The following NDUFS4 variants were observed in gnomAD, a reference collection of about 807,000 sequenced individuals.
NDUFS4 encodes NADH:ubiquinone oxidoreductase subunit S4.
NDUFS4 carries 28 observed loss-of-function variants against 24.3 expected under a neutral mutation model. The observed-to-expected ratio is 1.15, with a 90% CI of 0.85 to 1.58. NDUFS4 has a LOEUF of 1.58. NDUFS4 is among the 40% of genes most tolerant of loss of function. The pLI, the probability that NDUFS4 is intolerant of heterozygous loss-of-function variation, is 0.00. For missense variants in NDUFS4, 223 were observed against 207.9 expected (o/e 1.07, Z -0.45); for synonymous variants, 93 against 69.7 (o/e 1.34, Z -1.67).
chr5:53,649,435 T>C (rs888520603), intron 3 of NDUFS4, among the ~76,000 whole-genome samples: 1 of 152,196 alleles, frequency 6.6e-6, no homozygotes, highest in Non-Finnish European at 1.5e-5. Flanking sequence ...TGTTCAGCTT[T>C]CACAAATGAG....
chr5:53,678,408 C>T (rs1032813030), intron 4 of NDUFS4, among the ~76,000 whole-genome samples: 1 of 152,104 alleles, frequency 6.6e-6, no homozygotes, highest in African/African-American at 2.4e-5. Flanking sequence ...TATGGCTACT[C>T]TCCTCTAGAA....
chr5:53,635,814 G>T (rs1365857370), intron 2 of NDUFS4, among the ~76,000 whole-genome samples: 1 of 151,976 alleles, frequency 6.6e-6, no homozygotes, highest in Admixed American at 6.6e-5. Context: ...AATGCAAAAA[G>T]GTGTTCTAAT....
chr5:53,620,640 T>A (rs972046838), intron 2 of NDUFS4, among the ~76,000 whole-genome samples: 1 of 152,210 alleles, frequency 6.6e-6, no homozygotes, highest in African/African-American at 2.4e-5. Flanking sequence ...GAGGAAGTTA[T>A]GAAACTTTCT....
chr5:53,610,349 T>G (rs1750656755), intron 2 of NDUFS4, among the ~76,000 whole-genome samples: 1 of 152,124 alleles, frequency 6.6e-6, no homozygotes, highest in African/African-American at 2.4e-5. Context: ...GGACGCAGTT[T>G]GTGGCACCCC....
At chr5:53,646,437 A>T in intron 3 of NDUFS4, 32 bp downstream of exon 3, 2 of 1,604,980 alleles carry the variant, frequency 1.2e-6, no homozygotes, top group Non-Finnish European at 1.7e-6. Flanking sequence ...GAATATTGTC[A>T]GCTATCTTTT....
At chr5:53,640,934 C>A (rs536325147) in intron 2 of NDUFS4, among the ~76,000 whole-genome samples, 1 of 152,080 alleles carries the variant, frequency 6.6e-6, no homozygotes, top group African/African-American at 2.4e-5. Flanking sequence ...TGACAGAATC[C>A]CCTTAAAGAC....
intron 4 of NDUFS4, 108 bp downstream of exon 4, chr5:53,658,732 T>C (rs1752234838): frequency 2.2e-6 from 2 of 889,696 alleles, no homozygotes; most frequent in South Asian, 2.8e-5. Flanking sequence ...AGTGGTTTCA[T>C]TGTATCTAAT....
chr5:53,646,291 T>C lies in NDUFS4; in HGVS notation c.236T>C (p.Ile79Thr), dbSNP rs1299935886. The change falls in exon 3 of 5, where the codon ATC becomes ACC. Residue 79 changes from isoleucine (I) to threonine (T), a missense_variant. Ile to Thr is a moderately conservative substitution (Grantham distance 89). Transcript: ENST00000296684. ...CATATAAAAACTAGAAAAGTCAGGA[T>C]CTTTGTTCCTGCTCGCAATAACATG... ...EEHIKTRKVR[I>T]FVPARNNMQS... 6.2e-7 allele frequency: 1 copy of C among 1,613,390 alleles called. No individual in the cohort carries two copies. The highest frequency in any genetic ancestry group is 8.5e-7 in the Non-Finnish European group (1 of 1,179,442).
intron 4 of NDUFS4, among the ~76,000 whole-genome samples, chr5:53,663,970 CTTG>C (rs202038647): frequency 0.093 from 14,153 of 152,130 alleles, 778 homozygotes; most frequent in Non-Finnish European, 0.13. Flanking sequence ...GTGGCTGGTA[CTTG>C]TTGTTCCTTT....
intron 1 of NDUFS4, among the ~76,000 whole-genome samples, chr5:53,585,523 A>G (rs1002151545): frequency 1.3e-5 from 2 of 152,124 alleles, no homozygotes; most frequent in African/African-American, 4.8e-5. Flanking sequence ...AGGTGGGCGG[A>G]TCACCTGAGG....
intron 4 of NDUFS4, among the ~76,000 whole-genome samples, chr5:53,680,978 T>C (rs537458902): frequency 6.6e-6 from 1 of 152,192 alleles, no homozygotes; most frequent in African/African-American, 2.4e-5. Flanking sequence ...AGGTCTCCCC[T>C]GTATACCCCA....
intron 2 of NDUFS4, among the ~76,000 whole-genome samples, chr5:53,645,876 TCTC>T (rs1318998300): frequency 2.0e-5 from 3 of 152,180 alleles, no homozygotes; most frequent in Non-Finnish European, 2.9e-5. Context: ...TTGTATTTTT[TCTC>T]CTCTGACTAG....
At chr5:53,591,458 TTTTG>T (rs1749953756) in intron 1 of NDUFS4, among the ~76,000 whole-genome samples, 15 of 53,062 alleles carry the variant, frequency 2.8e-4, no homozygotes, top group Admixed American at 2.6e-3. Context: ...TGTTTGTTTT[TTTTG>T]GGGGGGGGGG....
chr5:53,573,155 G>A (rs1749270888), intron 1 of NDUFS4, among the ~76,000 whole-genome samples: 1 of 149,986 alleles, frequency 6.7e-6, no homozygotes, highest in South Asian at 2.1e-4. Flanking sequence ...TATTTTTTTT[G>A]TAGACATGGG....
At chr5:53,626,037 GC>G (rs927049590) in intron 2 of NDUFS4, among the ~76,000 whole-genome samples, 2 of 151,808 alleles carry the variant, frequency 1.3e-5, no homozygotes, top group African/African-American at 2.4e-5. Flanking sequence ...GCCTCCCCTA[GC>G]CCCCCACCCT....
At chr5:53,641,003 T>TA (rs1329368315) in intron 2 of NDUFS4, among the ~76,000 whole-genome samples, 1 of 152,104 alleles carries the variant, frequency 6.6e-6, no homozygotes, top group Admixed American at 6.6e-5. Flanking sequence ...GAATGTCCTT[T>TA]AAAAAAATGT....
At chr5:53,658,816 A>G (rs1752239668) in intron 4 of NDUFS4, 192 bp downstream of exon 4, 1 of 561,046 alleles carries the variant, frequency 1.8e-6, no homozygotes, top group Non-Finnish European at 3.1e-6. Context: ...CTAAATTGGA[A>G]TGCTCATACA....
chr5:53,646,201 G>A (rs1751857030), intron 2 of NDUFS4, 32 bp from the exon 3 acceptor site: 1 of 1,543,754 alleles, frequency 6.5e-7, no homozygotes, highest in South Asian at 1.1e-5. Flanking sequence ...TAGGCTGTTT[G>A]AAACGTGTTT....
At chr5:53,572,369 G>T (rs918397792) in intron 1 of NDUFS4, among the ~76,000 whole-genome samples, 2 of 152,198 alleles carry the variant, frequency 1.3e-5, no homozygotes, top group South Asian at 2.1e-4. Context: ...AAGGTCAAAG[G>T]TACCTTCCTA....
Sources: gnomAD v4.1 joint callset for allele counts (sites outside exome capture counted in the v4.1 genomes callset) on GRCh38, gnomAD v4.1.1 for gene constraint, MANE v1.5 for transcripts, NCBI Gene and HGNC (gene_info 2026-07-23, HGNC 2026-07-21) for gene names.